ME3: variants seen among roughly 807,000 people sequenced by gnomAD.
The protein encoded by ME3 is NADP-dependent malic enzyme, mitochondrial.
ME3 carries 48 observed loss-of-function variants against 68.9 expected under a neutral mutation model. The observed-to-expected ratio is 0.70, with a 90% confidence interval of 0.55 to 0.89. ME3 has a LOEUF of 0.89. ME3 is among the 40% of genes least tolerant of loss of function. The pLI is 0.00. For synonymous variants in ME3, 320 were observed against 318.8 expected (o/e 1.00, Z -0.04); for missense variants, 675 against 797.4 (o/e 0.85, Z 1.85).
At chr11:86,500,505 C>T (rs929184760) in intron 5 of ME3, among the ~76,000 whole-genome samples, 3 of 152,236 alleles carry the variant, frequency 2.0e-5, no homozygotes, top group Non-Finnish European at 4.4e-5. Flanking sequence ...TCCTTCCTTC[C>T]ATTCTCTCCT....
intron 4 of ME3, among the ~76,000 whole-genome samples, chr11:86,550,131 C>T (rs1956592231): frequency 6.6e-6 from 1 of 152,176 alleles, no homozygotes; most frequent in African/African-American, 2.4e-5. Context: ...ATTTACAGCT[C>T]TCCAGACACG....
chr11:86,541,886 T>TA (rs1956070740), intron 4 of ME3, among the ~76,000 whole-genome samples: 1 of 152,164 alleles, frequency 6.6e-6, no homozygotes, highest in Admixed American at 6.5e-5. Context: ...GGTCAACAGA[T>TA]ACCTCATACA....
At chr11:86,551,841 C>T (rs1158299152) in intron 4 of ME3, among the ~76,000 whole-genome samples, 1 of 152,212 alleles carries the variant, frequency 6.6e-6, no homozygotes, top group African/African-American at 2.4e-5. Context: ...AGGTACTTTC[C>T]ACAGAGCTTC....
At chr11:86,571,965 A>G (rs983989684) in intron 2 of ME3, among the ~76,000 whole-genome samples, 3 of 152,254 alleles carry the variant, frequency 2.0e-5, no homozygotes, top group African/African-American at 4.8e-5. Flanking sequence ...CTAAGGGGAA[A>G]CTTCAGAAGA....
intron 2 of ME3, among the ~76,000 whole-genome samples, chr11:86,661,943 ATAAAT>A (rs1431778755): frequency 3.3e-5 from 5 of 152,202 alleles, no homozygotes; most frequent in African/African-American, 1.2e-4. Flanking sequence ...TGACTATTGA[ATAAAT>A]TAAACAAACA....
chr11:86,519,994 G>A (rs1954156444), intron 4 of ME3, among the ~76,000 whole-genome samples: 1 of 152,208 alleles, frequency 6.6e-6, no homozygotes, highest in Non-Finnish European at 1.5e-5. Context: ...TCCTTCTTTG[G>A]TGTTATTTTC....
intron 5 of ME3, among the ~76,000 whole-genome samples, chr11:86,507,094 A>G (rs533831666): frequency 6.6e-6 from 1 of 152,330 alleles, no homozygotes; most frequent in South Asian, 2.1e-4. Context: ...TCTGTCCCCA[A>G]CCTGCTCTGT....
At chr11:86,535,012 G>A (rs538838043) in intron 4 of ME3, among the ~76,000 whole-genome samples, 2 of 152,204 alleles carry the variant, frequency 1.3e-5, no homozygotes, top group African/African-American at 2.4e-5. Flanking sequence ...AATTCTTAAC[G>A]AAGGTTTAAA....
At chr11:86,654,501 G>A (rs947321675) in intron 2 of ME3, among the ~76,000 whole-genome samples, 1 of 152,212 alleles carries the variant, frequency 6.6e-6, no homozygotes, top group African/African-American at 2.4e-5. Flanking sequence ...AAAACCACAT[G>A]ATTATCTCAA....
intron 8 of ME3, 68 bp from the exon 9 acceptor site, chr11:86,450,466 C>G: frequency 2.3e-6 from 3 of 1,315,708 alleles, no homozygotes; most frequent in Non-Finnish European, 3.3e-6. Context: ...AGACCCTTGG[C>G]AGAGTTCCCC....
At chr11:86,457,557 AT>A in intron 8 of ME3, 1 of 1,162,578 alleles carries the variant, frequency 8.6e-7, no homozygotes, top group African/African-American at 1.6e-5. Flanking sequence ...AAATTACAAA[AT>A]TTGGCAAATA....
At chr11:86,654,331 G>A (rs900298908) in intron 2 of ME3, among the ~76,000 whole-genome samples, 6 of 152,198 alleles carry the variant, frequency 3.9e-5, no homozygotes, top group South Asian at 2.1e-4. Flanking sequence ...GATGAACATC[G>A]ATGCAAAAAT....
intron 4 of ME3, among the ~76,000 whole-genome samples, chr11:86,539,006 C>T (rs796238195): frequency 5.9e-5 from 9 of 152,296 alleles, no homozygotes; most frequent in African/African-American, 2.2e-4. Flanking sequence ...TGACAAGGAA[C>T]CACAACACTA....
chr11:86,545,570 A>G (rs1956311328), intron 4 of ME3, among the ~76,000 whole-genome samples: 1 of 152,168 alleles, frequency 6.6e-6, no homozygotes, highest in African/African-American at 2.4e-5. Flanking sequence ...CATAATTGCT[A>G]CAAAGAGAAT....
chr11:86,642,201 C>G (rs1944712510), intron 2 of ME3, among the ~76,000 whole-genome samples: 1 of 152,204 alleles, frequency 6.6e-6, no homozygotes. Context: ...AACATACTTT[C>G]TGAACTACAA....
intron 2 of ME3, among the ~76,000 whole-genome samples, chr11:86,669,571 T>A (rs1032411716): frequency 3.9e-5 from 6 of 152,172 alleles, no homozygotes; most frequent in Non-Finnish European, 2.9e-5. Context: ...TCAGGTCTCG[T>A]GAGAACTCAT....
At chr11:86,586,580 A>C (rs1011803790) in intron 2 of ME3, among the ~76,000 whole-genome samples, 2 of 152,212 alleles carry the variant, frequency 1.3e-5, no homozygotes, top group Non-Finnish European at 2.9e-5. Flanking sequence ...GAAGGTCTAT[A>C]AGCTGGTGCC....
chr11:86,644,689 G>T (rs2135398577), intron 2 of ME3, among the ~76,000 whole-genome samples: 1 of 152,280 alleles, frequency 6.6e-6, no homozygotes, highest in Non-Finnish European at 1.5e-5. Context: ...GAGGTCTTCT[G>T]TAGATTCCCT....
intron 2 of ME3, among the ~76,000 whole-genome samples, chr11:86,630,240 G>A (rs1450730934): frequency 6.6e-6 from 1 of 152,116 alleles, no homozygotes. Context: ...ATCAATAAAG[G>A]GAAAAAGCAA....
Sources: allele counts gnomAD v4.1 joint callset (sites outside exome capture counted in the v4.1 genomes callset), GRCh38; gene constraint gnomAD v4.1.1; transcripts MANE v1.5; gene names NCBI Gene and HGNC (gene_info 2026-07-23, HGNC 2026-07-21).